Variants in DNAH14 observed in about 807,000 individuals in gnomAD.
DNAH14 encodes the protein dynein axonemal heavy chain 14.
A neutral mutation model predicts 520.9 loss-of-function variants in DNAH14; 478 were observed. That is an observed-to-expected ratio of 0.92 (90% confidence interval 0.85 to 0.99). DNAH14 has a LOEUF of 0.99. Ranked by LOEUF, DNAH14 falls within the 50% of genes least tolerant of loss-of-function variation. The pLI is 0.00. For synonymous variants in DNAH14, 1,581 were observed against 1,757.2 expected (o/e 0.90, Z 2.51); for missense variants, 4,831 against 5,234.5 (o/e 0.92, Z 2.38).
intron 34 of DNAH14, among the ~76,000 whole-genome samples, chr1:225,157,915 GTGGTTA>G (rs1267136859): frequency 1.3e-5 from 2 of 152,188 alleles, no homozygotes; most frequent in African/African-American, 4.8e-5. Flanking sequence ...TAATAATGGA[GTGGTTA>G]TAGGAATACA....
intron 43 of DNAH14, among the ~76,000 whole-genome samples, chr1:225,247,658 A>G (rs1025077968): frequency 3.3e-5 from 5 of 152,220 alleles, no homozygotes; most frequent in Admixed American, 2.6e-4. Flanking sequence ...ATTTATAGTG[A>G]AACTGCAAAA....
intron 41 of DNAH14, among the ~76,000 whole-genome samples, chr1:225,220,172 CT>C (rs1208579019): frequency 2.6e-5 from 4 of 152,040 alleles, no homozygotes; most frequent in South Asian, 2.1e-4. Context: ...ATAATAAGAG[CT>C]ATTTATGACA....
intron 27 of DNAH14, among the ~76,000 whole-genome samples, chr1:225,132,524 C>G (rs2078533959): frequency 6.6e-6 from 1 of 152,154 alleles, no homozygotes; most frequent in Non-Finnish European, 1.5e-5. Context: ...CCAGATCCAT[C>G]CATGTCCCTG....
chr1:224,974,506 A>T (rs1331428266), intron 8 of DNAH14, among the ~76,000 whole-genome samples: 1 of 152,224 alleles, frequency 6.6e-6, no homozygotes, highest in Admixed American at 6.5e-5. Flanking sequence ...TGTTTTTATT[A>T]AACTTTTTAT....
chr1:225,338,143 G>A lies in DNAH14; in HGVS notation c.10394G>A (p.Arg3465Lys). ...IYQKKGHYFI[R>K]VGDAEFEYNS... is the part of the protein sequence containing the mutation. Reference sequence around the variant, plus strand: ...CAGAAAAAAGGACACTATTTCATAAGGGTTGGTGATGCTGAGTTCGAATAC... The same window carrying A: ...CAGAAAAAAGGACACTATTTCATAAAGGTTGGTGATGCTGAGTTCGAATAC... Residue 3465 changes from arginine (R) to lysine (K), a missense_variant, in exon 68 of 86, where the codon AGG (arginine) becomes AAG (lysine). By Grantham distance (26) the Arg-to-Lys change is conservative. Coordinates refer to ENST00000682510, the MANE Select transcript of DNAH14 (RefSeq NM_001367479.1). 6.4e-7 allele frequency: 1 copy of A among 1,551,802 alleles called. No individual in the cohort carries two copies. The highest frequency in any genetic ancestry group is 1.2e-5 in the South Asian group (1 of 83,984).
chr1:225,342,052 C>T (rs16844721), intron 69 of DNAH14, among the ~76,000 whole-genome samples: 2 of 152,062 alleles, frequency 1.3e-5, no homozygotes, highest in African/African-American at 2.4e-5. Flanking sequence ...TATTTATTTT[C>T]GAAGCTCTCT....
intron 11 of DNAH14, among the ~76,000 whole-genome samples, chr1:225,030,851 CTA>C (rs1020059478): frequency 1.6e-4 from 25 of 151,990 alleles, no homozygotes; most frequent in African/African-American, 5.5e-4. Context: ...ATTGTTTTAA[CTA>C]TTTTAATTCA....
intron 38 of DNAH14, among the ~76,000 whole-genome samples, chr1:225,193,743 A>G (rs1012458154): frequency 1.3e-5 from 2 of 152,148 alleles, no homozygotes; most frequent in African/African-American, 4.8e-5. Flanking sequence ...CCAGATAAGA[A>G]GAGAGGAAGT....
chr1:225,220,857 G>A, intron 41 of DNAH14, among the ~76,000 whole-genome samples: 1 of 152,116 alleles, frequency 6.6e-6, no homozygotes, highest in South Asian at 2.1e-4. Flanking sequence ...AGAGTCCTAA[G>A]CAAAAAGAGC....
chr1:225,181,067 G>A (rs2083933905), intron 36 of DNAH14, among the ~76,000 whole-genome samples: 1 of 152,122 alleles, frequency 6.6e-6, no homozygotes, highest in African/African-American at 2.4e-5. Flanking sequence ...TTGTAAGTGA[G>A]AACTTGTGAT....
intron 42 of DNAH14, among the ~76,000 whole-genome samples, chr1:225,234,099 G>A (rs2091366744): frequency 6.6e-6 from 1 of 152,104 alleles, no homozygotes; most frequent in Non-Finnish European, 1.5e-5. Flanking sequence ...GATGGTTGTA[G>A]ATGTACAATC....
At chr1:225,339,265 C>A (rs865992535) in intron 68 of DNAH14, among the ~76,000 whole-genome samples, 1 of 151,740 alleles carries the variant, frequency 6.6e-6, no homozygotes, top group Non-Finnish European at 1.5e-5. Flanking sequence ...GAGCTGAGAT[C>A]GCACCATTGC....
At chr1:225,058,487 G>A (rs1354465522) in intron 17 of DNAH14, among the ~76,000 whole-genome samples, 2 of 152,130 alleles carry the variant, frequency 1.3e-5, no homozygotes, top group South Asian at 2.1e-4. Flanking sequence ...ACCAGCTCCT[G>A]GATTCATTGA....
intron 82 of DNAH14, 43 bp downstream of exon 82, chr1:225,388,534 T>A: frequency 8.1e-7 from 1 of 1,232,074 alleles, no homozygotes; most frequent in Non-Finnish European, 1.1e-6. Flanking sequence ...CATTTTTGCT[T>A]AAAGCCCAAA....
At chr1:225,214,893 G>A (rs891744236) in intron 41 of DNAH14, among the ~76,000 whole-genome samples, 1 of 152,012 alleles carries the variant, frequency 6.6e-6, no homozygotes, top group Non-Finnish European at 1.5e-5. Flanking sequence ...AGGGTTTTTT[G>A]TGTCTCTATC....
At chr1:225,075,455 T>G (rs2072146568) in intron 17 of DNAH14, among the ~76,000 whole-genome samples, 1 of 152,212 alleles carries the variant, frequency 6.6e-6, no homozygotes, top group Non-Finnish European at 1.5e-5. Flanking sequence ...CTCCAAATTC[T>G]TAAAAATTAT....
At chr1:225,336,888 A>G (rs1227023208) in intron 66 of DNAH14, among the ~76,000 whole-genome samples, 1 of 152,184 alleles carries the variant, frequency 6.6e-6, no homozygotes, top group African/African-American at 2.4e-5. Context: ...TGCGAAATAG[A>G]CTATAGCTGT....
At chr1:225,197,370 T>C (rs1014662588) in intron 38 of DNAH14, among the ~76,000 whole-genome samples, 3 of 151,334 alleles carry the variant, frequency 2.0e-5, no homozygotes, top group African/African-American at 7.2e-5. Flanking sequence ...GCTTTATTTC[T>C]GGATTCTCTA....
chr1:225,335,977 ATGTG>A (rs2095030750), intron 66 of DNAH14, among the ~76,000 whole-genome samples: 1 of 146,196 alleles, frequency 6.8e-6, no homozygotes, highest in Non-Finnish European at 1.5e-5. Context: ...ATATGTACAT[ATGTG>A]TATATACACA....
Sources: gnomAD v4.1 joint callset for allele counts (sites outside exome capture counted in the v4.1 genomes callset) on GRCh38, gnomAD v4.1.1 for gene constraint, MANE v1.5 for transcripts, NCBI Gene and HGNC (gene_info 2026-07-23, HGNC 2026-07-21) for gene names.